ADGRL2: variants seen among roughly 807,000 people sequenced by gnomAD.
The protein encoded by ADGRL2 is calcium-independent alpha-latrotoxin receptor 2.
In ADGRL2, 44 loss-of-function variants were observed where a neutral mutation model predicts 157.4. The observed-to-expected ratio is 0.28, with a 90% confidence interval of 0.22 to 0.36. The LOEUF is 0.36. ADGRL2 is among the 10% of genes least tolerant of loss of function. The pLI, the probability that ADGRL2 is intolerant of heterozygous loss-of-function variation, is 1.00. For synonymous variants in ADGRL2, 585 were observed against 624.7 expected, an observed-to-expected ratio of 0.94 and a Z score of 0.95; for missense variants, 1,510 against 1,768.9, an observed-to-expected ratio of 0.85 and a Z score of 2.63.
intron 2 of ADGRL2, chr1:81,514,866 GCATATGCCTGATGA>G (rs1397284523): frequency 6.6e-6 from 1 of 152,150 alleles, no homozygotes; most frequent in African/African-American, 2.4e-5. Flanking sequence ...TTGCAGATAG[GCATATGCCTGATGA>G]CATGGAGTAC....
At chr1:81,824,048 A>G (rs1049354873) in intron 1 of ADGRL2, among the ~76,000 whole-genome samples, 2 of 152,186 alleles carry the variant, frequency 1.3e-5, no homozygotes, top group Non-Finnish European at 2.9e-5. Flanking sequence ...GATAAGCGAA[A>G]GTCATGGTCC....
intron 2 of ADGRL2, among the ~76,000 whole-genome samples, chr1:81,497,868 G>C (rs374319331): frequency 6.6e-6 from 1 of 152,074 alleles, no homozygotes; most frequent in African/African-American, 2.4e-5. Flanking sequence ...AAATTCAAAG[G>C]CTAAAGCATA....
intron 2 of ADGRL2, among the ~76,000 whole-genome samples, chr1:81,516,378 C>T (rs984497578): frequency 6.6e-6 from 1 of 152,110 alleles, no homozygotes; most frequent in African/African-American, 2.4e-5. Flanking sequence ...CTGAAAAGTA[C>T]AAAGTGACTC....
At chr1:81,606,785 T>C (rs1447011609) in intron 3 of ADGRL2, among the ~76,000 whole-genome samples, 3 of 151,994 alleles carry the variant, frequency 2.0e-5, no homozygotes, top group African/African-American at 7.2e-5. Context: ...CGCACGCGTG[T>C]GTGTGTGTTT....
chr1:81,797,565 T>G (rs971893383), upstream of ADGRL2, among the ~76,000 whole-genome samples: 1 of 152,166 alleles, frequency 6.6e-6, no homozygotes, highest in Non-Finnish European at 1.5e-5. Context: ...TGGCTTACAC[T>G]AATCACAATA....
intron 2 of ADGRL2, among the ~76,000 whole-genome samples, chr1:81,842,142 G>A (rs1285822681): frequency 6.6e-6 from 1 of 151,998 alleles, no homozygotes; most frequent in Non-Finnish European, 1.5e-5. Context: ...TGTGGTGAGG[G>A]TAGGGGTGCA....
intron 2 of ADGRL2, among the ~76,000 whole-genome samples, chr1:81,462,388 A>G (rs921356706): frequency 2.0e-5 from 3 of 152,136 alleles, no homozygotes; most frequent in African/African-American, 7.2e-5. Flanking sequence ...GGTCTGTGCC[A>G]CATTTAAGAG....
At chr1:81,691,498 T>C (rs1433549771) in intron 3 of ADGRL2, among the ~76,000 whole-genome samples, 2 of 151,952 alleles carry the variant, frequency 1.3e-5, no homozygotes, top group African/African-American at 4.8e-5. Flanking sequence ...TAGTTTTCTT[T>C]TTAGGACTTT....
At chr1:81,626,517 G>A (rs1366964905) in intron 3 of ADGRL2, among the ~76,000 whole-genome samples, 1 of 152,070 alleles carries the variant, frequency 6.6e-6, no homozygotes, top group Non-Finnish European at 1.5e-5. Context: ...TCGGTAATCT[G>A]CCCCCCTCGG....
intron 2 of ADGRL2, among the ~76,000 whole-genome samples, chr1:81,866,486 TG>T: frequency 6.6e-6 from 1 of 152,164 alleles, no homozygotes; most frequent in East Asian, 1.9e-4. Flanking sequence ...ATTGGTTCAA[TG>T]GATGAATACA....
intron 3 of ADGRL2, among the ~76,000 whole-genome samples, chr1:81,910,329 A>G (rs766452190): frequency 6.6e-6 from 1 of 151,330 alleles, no homozygotes; most frequent in Non-Finnish European, 1.5e-5. Context: ...TCCTAATATG[A>G]TAGACTACCT....
chr1:81,524,642 A>G (rs2079409089), intron 2 of ADGRL2, among the ~76,000 whole-genome samples: 2 of 152,232 alleles, frequency 1.3e-5, no homozygotes, highest in Admixed American at 6.5e-5. Context: ...AACTTCATGT[A>G]TAAATACTAA....
At chr1:81,851,683 A>G (rs1000771408) in intron 2 of ADGRL2, among the ~76,000 whole-genome samples, 1 of 151,580 alleles carries the variant, frequency 6.6e-6, no homozygotes, top group African/African-American at 2.4e-5. Context: ...CTTGTAATTT[A>G]TAAAAATTCG....
intron 7 of ADGRL2, among the ~76,000 whole-genome samples, 164 bp from the exon 8 acceptor site, chr1:81,950,854 A>G (rs995036879): frequency 6.6e-6 from 1 of 152,194 alleles, no homozygotes; most frequent in Non-Finnish European, 1.5e-5. Flanking sequence ...CATATTTACC[A>G]TTTATAATCT....
chr1:81,332,672 G>A (rs997800492), intron 1 of ADGRL2, among the ~76,000 whole-genome samples: 2 of 152,124 alleles, frequency 1.3e-5, no homozygotes, highest in East Asian at 1.9e-4. Context: ...GAGGAAACAT[G>A]TATAGAAATG....
chr1:81,849,825 A>T (rs2092933336), intron 2 of ADGRL2, among the ~76,000 whole-genome samples: 1 of 151,938 alleles, frequency 6.6e-6, no homozygotes, highest in African/African-American at 2.4e-5. Flanking sequence ...ATAATCTTCG[A>T]TACACAGTTT....
chr1:81,708,033 TTCTC>T (rs930887864), intron 1 of ADGRL2, among the ~76,000 whole-genome samples: 5 of 152,322 alleles, frequency 3.3e-5, no homozygotes, highest in Admixed American at 6.5e-5. Flanking sequence ...CCTACGCTTG[TTCTC>T]TCTTTCTTTT....
At chr1:81,476,860 A>C (rs1165864293) in intron 2 of ADGRL2, among the ~76,000 whole-genome samples, 5 of 152,096 alleles carry the variant, frequency 3.3e-5, no homozygotes, top group African/African-American at 1.2e-4. Context: ...CGCCATTCCA[A>C]ATGCTTATCT....
intron 1 of ADGRL2, among the ~76,000 whole-genome samples, chr1:81,371,865 G>C (rs1487955136): frequency 6.6e-6 from 1 of 152,088 alleles, no homozygotes; most frequent in Non-Finnish European, 1.5e-5. Flanking sequence ...TGGGAATATT[G>C]AAATAAACAG....
Sources: gnomAD v4.1 joint callset for allele counts (sites outside exome capture counted in the v4.1 genomes callset) on GRCh38, gnomAD v4.1.1 for gene constraint, MANE v1.5 for transcripts, NCBI Gene and HGNC (gene_info 2026-07-23, HGNC 2026-07-21) for gene names.